SPATA6: variants seen among roughly 807,000 people sequenced by gnomAD.
The protein encoded by SPATA6 is spermatogenesis associated 6.
A neutral mutation model predicts 65.3 loss-of-function variants in SPATA6; 56 were observed. The ratio of observed to expected loss-of-function variants is 0.86; its 90% CI spans 0.69 to 1.07. The LOEUF is 1.07. Ranked by LOEUF, SPATA6 falls within the 50% of genes least tolerant of loss-of-function variation. The pLI is 0.00. For missense variants in SPATA6, 590 were observed against 594.8 expected (o/e 0.99, Z 0.08); for synonymous variants, 199 against 213.2 (o/e 0.93, Z 0.58).
chr1:48,426,561 AC>A (rs1653857234), intron 3 of SPATA6, among the ~76,000 whole-genome samples: 1 of 152,180 alleles, frequency 6.6e-6, no homozygotes, highest in Non-Finnish European at 1.5e-5. Context: ...AAGTCACCAC[AC>A]TTTGAACACT....
chr1:48,314,318 G>C (rs1645331323), intron 11 of SPATA6, among the ~76,000 whole-genome samples: 1 of 152,054 alleles, frequency 6.6e-6, no homozygotes, highest in Admixed American at 6.6e-5. Flanking sequence ...AAATGTAAAA[G>C]AACAGAAATT....
chr1:48,452,583 C>T (rs1043405328), intron 2 of SPATA6, among the ~76,000 whole-genome samples: 11 of 152,054 alleles, frequency 7.2e-5, no homozygotes, highest in African/African-American at 2.7e-4. Flanking sequence ...AGGGTTTCCC[C>T]ATGTTGACCA....
At chr1:48,427,493 A>G (rs942301916) in intron 3 of SPATA6, among the ~76,000 whole-genome samples, 1 of 152,000 alleles carries the variant, frequency 6.6e-6, no homozygotes, top group African/African-American at 2.4e-5. Context: ...ACTTTGCTGA[A>G]ATGGATACAT....
the SPATA6 span, among the ~76,000 whole-genome samples, chr1:48,276,443 T>A: frequency 6.6e-6 from 1 of 152,198 alleles, no homozygotes; most frequent in Non-Finnish European, 1.5e-5. Flanking sequence ...CAACTTTAGA[T>A]CTTTCCCACT....
chr1:48,318,182 T>G (rs966272082), intron 11 of SPATA6, among the ~76,000 whole-genome samples: 1 of 152,180 alleles, frequency 6.6e-6, no homozygotes, highest in Non-Finnish European at 1.5e-5. Flanking sequence ...AATAGCATAC[T>G]TATTTTTAAA....
At chr1:48,347,537 AATT>A (rs1314959973) in intron 11 of SPATA6, among the ~76,000 whole-genome samples, 1 of 143,652 alleles carries the variant, frequency 7.0e-6, no homozygotes, top group Admixed American at 6.9e-5. Flanking sequence ...TAATTATAGT[AATT>A]AATTATATAA....
At chr1:48,456,645 C>T (rs1657028713) in intron 1 of SPATA6, among the ~76,000 whole-genome samples, 1 of 152,076 alleles carries the variant, frequency 6.6e-6, no homozygotes, top group African/African-American at 2.4e-5. Flanking sequence ...TATGGCAATG[C>T]TGTCTCATCA....
Position 48,298,729 on chromosome 1 carries a change from G to A in SPATA6, c.1451C>T (p.Thr484Ile). The A allele has an allele frequency of 6.2e-7, 1 of 1,612,784 alleles. No homozygotes were observed. Among genetic ancestry groups the A allele is most frequent in the Non-Finnish European group, 8.5e-7 (1 of 1,179,448 alleles). The part of the protein sequence containing the change: ...YKKACSSASH[T>I]QESF ...TGGATGGTCTCAGAAGCTTTCCTGT[G>A]TATGTGAAGCAGAACTACAGGCCTT... is the stretch of plus-strand genomic sequence containing the variant. The change falls in exon 13 of 13, where the codon ACA (threonine) becomes ATA (isoleucine). Residue 484 changes from threonine to isoleucine, a missense_variant. Thr to Ile is a moderately conservative substitution (Grantham distance 89, BLOSUM62 -1). Transcript: ENST00000371847.
intron 8 of SPATA6, 144 bp from the exon 9 acceptor site, chr1:48,385,493 G>T: frequency 1.8e-6 from 1 of 568,788 alleles, no homozygotes; most frequent in Non-Finnish European, 2.9e-6. Context: ...CATCAGAAAG[G>T]ATAATAATCC....
intron 11 of SPATA6, among the ~76,000 whole-genome samples, chr1:48,346,412 G>A (rs987562171): frequency 2.0e-5 from 3 of 152,028 alleles, no homozygotes; most frequent in Non-Finnish European, 4.4e-5. Flanking sequence ...CTTGAAAACA[G>A]CACAAGACAA....
intron 9 of SPATA6, among the ~76,000 whole-genome samples, chr1:48,381,120 C>T (rs1184152502): frequency 2.6e-5 from 4 of 152,116 alleles, no homozygotes; most frequent in Admixed American, 6.5e-5. Flanking sequence ...GGAGGTGGAG[C>T]TCAGGCCATA....
intron 9 of SPATA6, among the ~76,000 whole-genome samples, chr1:48,372,822 G>T (rs1570355841): frequency 6.6e-6 from 1 of 152,324 alleles, no homozygotes; most frequent in East Asian, 1.9e-4. Context: ...CAAGGCTTGG[G>T]GCTTCCACCC....
the SPATA6 span, among the ~76,000 whole-genome samples, chr1:48,287,606 C>G: frequency 6.6e-6 from 1 of 152,180 alleles, no homozygotes; most frequent in Non-Finnish European, 1.5e-5. Flanking sequence ...GGGGCCTCTC[C>G]CTTCTCTCTC....
At chr1:48,364,733 A>C (rs4462195) in intron 9 of SPATA6, among the ~76,000 whole-genome samples, 1 of 152,194 alleles carries the variant, frequency 6.6e-6, no homozygotes, top group African/African-American at 2.4e-5. Flanking sequence ...GAAAATTTTC[A>C]CCCATTTTGT....
chr1:48,442,611 AAGAG>A (rs1026038223), intron 3 of SPATA6, among the ~76,000 whole-genome samples: 8 of 149,862 alleles, frequency 5.3e-5, no homozygotes, highest in Non-Finnish European at 1.0e-4. Flanking sequence ...GAGAGAGAGA[AAGAG>A]AGAGACAGAA....
At position 48,297,125 on chromosome 1, in the gene SPATA6, GGT is replaced by G. The variant is rs34890514; in HGVS notation, c.*1586_*1587del. ...TAATCCTACATATGACTCTCTAAGA[GGT>G]GTGTGTGTGTGTGTGTGTGTGTGTG... On this transcript the variant is annotated 3_prime_UTR_variant, in exon 13 of 13. Coordinates refer to ENST00000371847, the MANE Select transcript of SPATA6 (RefSeq NM_019073.4). The G allele has an allele frequency of 0.39, 56,977 of 144,392 alleles. 11,703 individuals are homozygous for G. The highest frequency in any genetic ancestry group is 0.5 in the Admixed American group (7,232 of 14,394). 8.9% of individuals were successfully genotyped at this position (144,392 alleles called of 1,614,324 possible). A position where few individuals can be genotyped will look rare whatever the true frequency, so the allele number is the denominator to read the frequency against.
At chr1:48,292,267 T>C (rs574039905), downstream of SPATA6, among the ~76,000 whole-genome samples, 1 of 152,334 alleles carries the variant, frequency 6.6e-6, no homozygotes, top group East Asian at 1.9e-4. Context: ...GCATGTGAGA[T>C]GCCAACTGCT....
intron 3 of SPATA6, among the ~76,000 whole-genome samples, chr1:48,445,893 T>C (rs1262373866): frequency 6.6e-6 from 1 of 152,048 alleles, no homozygotes; most frequent in African/African-American, 2.4e-5. Context: ...ACTATAAATT[T>C]TGCTGCCATA....
chr1:48,308,002 C>T (rs1008856336), intron 11 of SPATA6, among the ~76,000 whole-genome samples: 3 of 151,892 alleles, frequency 2.0e-5, no homozygotes, highest in South Asian at 2.1e-4. Context: ...CTCTTGTAGA[C>T]AGAATATAGT....
Sources: allele counts gnomAD v4.1 joint callset (sites outside exome capture counted in the v4.1 genomes callset), GRCh38; gene constraint gnomAD v4.1.1; transcripts MANE v1.5; gene names NCBI Gene and HGNC (gene_info 2026-07-23, HGNC 2026-07-21).